The following NRG3 variants were observed in gnomAD, a reference collection of about 807,000 sequenced individuals.
NRG3 encodes pro-neuregulin-3, membrane-bound isoform.
A neutral mutation model predicts 66.9 loss-of-function variants in NRG3; 31 were observed. The ratio of observed to expected loss-of-function variants is 0.46; its 90% confidence interval spans 0.35 to 0.63. The LOEUF (loss-of-function observed/expected upper bound fraction) is 0.63. Ranked by LOEUF, NRG3 falls within the 20% of genes least tolerant of loss-of-function variation. The pLI is 0.00. For synonymous variants in NRG3, 393 were observed against 359.4 expected (o/e 1.09, Z -1.06); for missense variants, 910 against 878.9 (o/e 1.04, Z -0.45).
At chr10:82,404,923 C>CT (rs1243732063) in intron 2 of NRG3, among the ~76,000 whole-genome samples, 1 of 152,112 alleles carries the variant, frequency 6.6e-6, no homozygotes, top group Non-Finnish European at 1.5e-5. Context: ...AGCGAGAGTG[C>CT]TTTACAAAGA....
chr10:82,356,864 T>TA (rs2083818972), intron 1 of NRG3, among the ~76,000 whole-genome samples: 1 of 152,210 alleles, frequency 6.6e-6, no homozygotes, highest in African/African-American at 2.4e-5. Context: ...GGTTTTTAAT[T>TA]ATAGCTTTCA....
At chr10:82,493,993 C>A (rs1039744560) in intron 2 of NRG3, among the ~76,000 whole-genome samples, 2 of 152,118 alleles carry the variant, frequency 1.3e-5, no homozygotes, top group Admixed American at 6.6e-5. Flanking sequence ...ACAAAAAGTT[C>A]AACATCACTG....
chr10:82,472,399 G>A (rs1015298404), intron 2 of NRG3, among the ~76,000 whole-genome samples: 1 of 152,222 alleles, frequency 6.6e-6, no homozygotes, highest in Non-Finnish European at 1.5e-5. Context: ...ACAGTTCGGA[G>A]TCCTTTGATT....
At chr10:82,336,416 T>G (rs1231175140) in intron 1 of NRG3, among the ~76,000 whole-genome samples, 2 of 152,188 alleles carry the variant, frequency 1.3e-5, no homozygotes, top group Non-Finnish European at 2.9e-5. Context: ...GATAGTAGAT[T>G]TCTAGCCTAC....
At chr10:82,223,983 G>A (rs896315974) in intron 1 of NRG3, among the ~76,000 whole-genome samples, 8 of 152,112 alleles carry the variant, frequency 5.3e-5, no homozygotes, top group African/African-American at 1.9e-4. Flanking sequence ...GACAGAAAAT[G>A]TTGCCGGATT....
intron 1 of NRG3, among the ~76,000 whole-genome samples, chr10:82,010,664 A>G (rs1013858248): frequency 2.6e-5 from 4 of 152,158 alleles, no homozygotes; most frequent in Admixed American, 6.6e-5. Context: ...TGCTGCTACA[A>G]TTTCCTGAAT....
chr10:82,440,522 GAAACT>G (rs2090382599), intron 2 of NRG3, among the ~76,000 whole-genome samples: 1 of 151,784 alleles, frequency 6.6e-6, no homozygotes, highest in Admixed American at 6.6e-5. Flanking sequence ...GCTTTGCAGT[GAAACT>G]TGATTGTTAA....
At chr10:82,040,484 T>C (rs1230801284) in intron 1 of NRG3, among the ~76,000 whole-genome samples, 1 of 151,172 alleles carries the variant, frequency 6.6e-6, no homozygotes, top group Non-Finnish European at 1.5e-5. Context: ...CTGAAAAATC[T>C]CTCTCTTGGC....
intron 1 of NRG3, among the ~76,000 whole-genome samples, chr10:82,064,765 TC>T (rs35747849): frequency 6.6e-6 from 1 of 152,172 alleles, no homozygotes; most frequent in African/African-American, 2.4e-5. Context: ...AGTTTAGACA[TC>T]CCCTTTAGCT....
intron 1 of NRG3, among the ~76,000 whole-genome samples, chr10:82,242,485 A>G (rs1330134162): frequency 1.3e-5 from 2 of 152,318 alleles, no homozygotes; most frequent in South Asian, 2.1e-4. Context: ...AGTAACCACT[A>G]TGTGCTAAGT....
At chr10:82,683,765 G>A (rs150259368) in intron 2 of NRG3, among the ~76,000 whole-genome samples, 1 of 152,204 alleles carries the variant, frequency 6.6e-6, no homozygotes, top group East Asian at 1.9e-4. Flanking sequence ...GTATTTTTGT[G>A]GTGAAATGGT....
chr10:82,935,562 A>G (rs184004166), intron 4 of NRG3, among the ~76,000 whole-genome samples: 1 of 152,304 alleles, frequency 6.6e-6, no homozygotes, highest in East Asian at 1.9e-4. Context: ...GTTTTAGAAA[A>G]CAGGTAATCT....
intron 6 of NRG3, among the ~76,000 whole-genome samples, chr10:82,961,651 G>A (rs754523069): frequency 6.6e-6 from 1 of 152,204 alleles, no homozygotes; most frequent in Non-Finnish European, 1.5e-5. Context: ...CTAGTGGGTA[G>A]CGGTCATTGG....
At chr10:82,424,560 C>T (rs977900218) in intron 2 of NRG3, among the ~76,000 whole-genome samples, 8 of 152,098 alleles carry the variant, frequency 5.3e-5, no homozygotes, top group African/African-American at 1.9e-4. Flanking sequence ...AGGCATATGA[C>T]ATCCAAATAT....
At chr10:82,779,938 T>C (rs2060054431) in intron 3 of NRG3, among the ~76,000 whole-genome samples, 2 of 151,108 alleles carry the variant, frequency 1.3e-5, no homozygotes, top group Non-Finnish European at 2.9e-5. Flanking sequence ...GTTCTCATTG[T>C]TCAACTCCCA....
rs114974626 is a variant in NRG3, at chr10:82,751,025, G to T, written c.1027+12375G>T. Among the ~76,000 whole-genome samples, 821 of 152,216 alleles carry T rather than the reference G, an allele frequency of 5.4e-3. 11 individuals are homozygous for T. The highest frequency in any genetic ancestry group is 0.019 in the African/African-American group (769 of 41,546). ...CGTATATAACCTAATTCTTGTACATGATACGCACTTGACAAAACTGTGAAC... is the reference window on the plus strand; with the variant it reads ...CGTATATAACCTAATTCTTGTACATTATACGCACTTGACAAAACTGTGAAC... On this transcript the variant is annotated intron_variant, in intron 3 of 8. Transcript: ENST00000372141.
chr10:82,151,869 G>T (rs1258989357), intron 1 of NRG3, among the ~76,000 whole-genome samples: 1 of 152,174 alleles, frequency 6.6e-6, no homozygotes, highest in East Asian at 1.9e-4. Flanking sequence ...GAGGGAGTTT[G>T]AACAAATAAG....
intron 3 of NRG3, among the ~76,000 whole-genome samples, chr10:82,853,568 A>G (rs897074394): frequency 1.3e-5 from 2 of 151,980 alleles, no homozygotes; most frequent in African/African-American, 4.8e-5. Context: ...GGCTCTTGTA[A>G]AAGGGGTTGA....
chr10:82,501,924 C>T (rs1844225973), intron 2 of NRG3, among the ~76,000 whole-genome samples: 1 of 152,134 alleles, frequency 6.6e-6, no homozygotes, highest in Non-Finnish European at 1.5e-5. Context: ...CTTCTGTTCA[C>T]TGCTGTGTTC....
Sources: allele counts gnomAD v4.1 joint callset (sites outside exome capture counted in the v4.1 genomes callset), GRCh38; gene constraint gnomAD v4.1.1; transcripts MANE v1.5; gene names NCBI Gene and HGNC (gene_info 2026-07-23, HGNC 2026-07-21).